TRA2B: variants seen among roughly 807,000 people sequenced by gnomAD.
TRA2B encodes the protein transformer 2 beta homolog.
TRA2B carries 14 observed loss-of-function variants against 41.7 expected under a neutral mutation model. That is an observed-to-expected ratio of 0.34 (90% confidence interval 0.22 to 0.53). TRA2B has a LOEUF of 0.53. Among genes scored for constraint, TRA2B ranks in the 20% least tolerant of loss-of-function variants. The pLI, the probability that TRA2B is intolerant of heterozygous loss-of-function variation, is 0.95. For missense variants in TRA2B, 167 were observed against 396.8 expected (o/e 0.42, Z 4.92); for synonymous variants, 130 against 128.8 (o/e 1.01, Z -0.06).
chr3:185,932,677 T>G (rs1445571647), intron 1 of TRA2B, among the ~76,000 whole-genome samples: 1 of 152,194 alleles, frequency 6.6e-6, no homozygotes, highest in Admixed American at 6.5e-5. Context: ...GCTCACCTCC[T>G]CAAATAATTA....
intron 1 of TRA2B, 50 bp downstream of exon 1, chr3:185,937,775 A>G: frequency 6.2e-7 from 1 of 1,613,128 alleles, no homozygotes; most frequent in South Asian, 1.1e-5. Context: ...CTAGAAAAAG[A>G]TGCAAGGAGC....
At position 185,921,979 on chromosome 3, in the gene TRA2B, G is replaced by A. The variant is rs753840882; in HGVS notation, c.638+32C>T. On this transcript the variant is annotated intron_variant, in intron 5 of 8. Coordinates refer to ENST00000453386, the MANE Select transcript of TRA2B (RefSeq NM_004593.3). ...GTGTTTCTTTGACAAGTGAAAAACT[G>A]CCAATTATATTTATTTTGAAAATAA... 2.6e-6 allele frequency: 4 copies of A among 1,532,104 alleles called. No homozygotes were observed. In the African/African-American group the frequency reaches 4.1e-5, roughly 16 times the overall value. The allele number at this position is 1,532,104 out of a possible 1,614,324, so 94.9% of individuals were successfully genotyped here.
intron 1 of TRA2B, among the ~76,000 whole-genome samples, chr3:185,932,627 G>C (rs183587785): frequency 6.6e-6 from 1 of 152,106 alleles, no homozygotes. Flanking sequence ...ATGTCCAAAG[G>C]AGAAATACTA....
chr3:185,936,666 G>A (rs1432711455), intron 1 of TRA2B: 10 of 976,456 alleles, frequency 1.0e-5, no homozygotes, highest in Non-Finnish European at 1.1e-5. Context: ...GGAAACTTAG[G>A]TAACAAATTG....
At chr3:185,922,209 C>T in intron 4 of TRA2B, 83 bp from the exon 5 acceptor site, 1 of 935,210 alleles carries the variant, frequency 1.1e-6, no homozygotes, top group Non-Finnish European at 1.7e-6. Flanking sequence ...TCCCACTGGA[C>T]ATTTCAGTTA....
Position 185,926,616 on chromosome 3 carries a change from G to A in TRA2B, c.155C>T (p.Ser52Phe). ...DSRRSRSKSR[S>F]RSESRSRSRR... ...TCTTTCTTACCTAGATTCAGATCGG[G>A]ACCTGGACTTTGATCTGGAACGCCT... Residue 52 changes from serine to phenylalanine, a missense_variant, in exon 2 of 9, where the codon TCC becomes TTC. This residue lies in a region of TRA2B where 94 missense variants were observed against 133.4 expected (regional missense o/e 0.70). Transcript: ENST00000453386. 6.2e-7 allele frequency: 1 copy of A among 1,614,114 alleles called. No homozygotes were observed. Among genetic ancestry groups the A allele is most frequent in the Non-Finnish European group, 8.5e-7 (1 of 1,179,994 alleles).
At chr3:185,935,337 C>T (rs771815775) in intron 1 of TRA2B, 71 of 982,776 alleles carry the variant, frequency 7.2e-5, no homozygotes, top group Non-Finnish European at 8.6e-5. Context: ...AATCTATTAC[C>T]TTTGAGAGGG....
intron 1 of TRA2B, chr3:185,934,293 A>G: frequency 4.1e-6 from 4 of 978,194 alleles, no homozygotes; most frequent in Non-Finnish European, 3.6e-6. Context: ...CTATGAAAGC[A>G]TTAATATTTA....
At chr3:185,918,475 G>A (rs758000942) in intron 7 of TRA2B, 37 bp from the exon 8 acceptor site, 1 of 1,440,542 alleles carries the variant, frequency 6.9e-7, no homozygotes, top group South Asian at 1.2e-5. Flanking sequence ...AGTCTCAATA[G>A]ATCACAATTA....
At chr3:185,918,844 TA>T (rs879688312) in intron 7 of TRA2B, among the ~76,000 whole-genome samples, 68 of 144,950 alleles carry the variant, frequency 4.7e-4, no homozygotes, top group Non-Finnish European at 4.3e-4. Context: ...CTGTCTCTAC[TA>T]AAAAAAAAAA....
chr3:185,930,561 G>A (rs560151417), intron 1 of TRA2B, among the ~76,000 whole-genome samples: 1 of 152,270 alleles, frequency 6.6e-6, no homozygotes, highest in Admixed American at 6.5e-5. Flanking sequence ...GATACCCTTG[G>A]CATTCTCAAC....
intron 1 of TRA2B, among the ~76,000 whole-genome samples, chr3:185,933,997 A>G (rs1744252395): frequency 6.6e-6 from 1 of 152,148 alleles, no homozygotes; most frequent in Non-Finnish European, 1.5e-5. Flanking sequence ...CCAAAACCCA[A>G]TTCAAAGCAA....
intron 1 of TRA2B, chr3:185,935,643 AAC>A (rs1744321100): frequency 3.0e-6 from 3 of 985,334 alleles, no homozygotes; most frequent in Non-Finnish European, 3.6e-6. Flanking sequence ...GGAGTTGAAT[AAC>A]ACTCATTTTT....
chr3:185,934,642 G>A, intron 1 of TRA2B: 1 of 985,342 alleles, frequency 1.0e-6, no homozygotes, highest in Non-Finnish European at 1.2e-6. Context: ...TGAGATGGCT[G>A]CAATTCTTTA....
chr3:185,937,669 C>T (rs1166910404), intron 1 of TRA2B, among the ~76,000 whole-genome samples, 156 bp downstream of exon 1: 2 of 152,178 alleles, frequency 1.3e-5, no homozygotes, highest in African/African-American at 4.8e-5. Context: ...TCCACAAAGG[C>T]TTTTTTTGGT....
At chr3:185,931,945 T>C in intron 1 of TRA2B, 1 of 927,236 alleles carries the variant, frequency 1.1e-6, no homozygotes, top group Non-Finnish European at 1.4e-6. Context: ...AATCCCTTTG[T>C]TGATTTGGAT....
chr3:185,925,236 C>G, intron 3 of TRA2B: 3 of 406,772 alleles, frequency 7.4e-6, no homozygotes, highest in East Asian at 4.8e-5. Context: ...TTTTGATGGG[C>G]TAAGGAGTTA....
Position 185,920,999 on chromosome 3 carries a change from A to G in TRA2B, c.722+105T>C, listed in dbSNP as rs1320273438. 62 of 884,850 alleles carry G rather than the reference A, an allele frequency of 7.0e-5. No homozygotes were observed. In the East Asian group the frequency reaches 1.4e-3, roughly 20 times the overall value. The allele number at this position is 884,850 out of a possible 1,614,324, so 54.8% of individuals were successfully genotyped here. ...CTTTCTACTCTGCATTTCTCGAGTA[A>G]AAGTACTAAAGCAAAGCTTTTAACA... is the stretch of plus-strand genomic sequence containing the variant. On this transcript the variant is annotated intron_variant, in intron 6 of 8. Coordinates refer to ENST00000453386, the MANE Select transcript of TRA2B (RefSeq NM_004593.3).
At chr3:185,924,076 T>A in intron 3 of TRA2B, 92 bp from the exon 4 acceptor site, 2 of 1,129,572 alleles carry the variant, frequency 1.8e-6, no homozygotes, top group Non-Finnish European at 2.5e-6. Context: ...AAAATGTCAC[T>A]AACAAGAAAA....
Sources: gnomAD v4.1 joint callset for allele counts (sites outside exome capture counted in the v4.1 genomes callset) on GRCh38, gnomAD v4.1.1 for gene constraint, gnomAD v4.1.1 regional missense constraint, MANE v1.5 for transcripts, NCBI Gene and HGNC (gene_info 2026-07-23, HGNC 2026-07-21) for gene names.